The following ZNF107 variants were observed in gnomAD, a reference collection of about 807,000 sequenced individuals.
The protein encoded by ZNF107 is zinc finger protein 107, also known as C2H2 type zinc-finger protein.
A neutral mutation model predicts 12.3 loss-of-function variants in ZNF107; 19 were observed. That is an observed-to-expected ratio of 1.55 (90% CI 1.08 to 2.27). The LOEUF (loss-of-function observed/expected upper bound fraction) is 2.27, where lower values mean the gene tolerates loss of function less well. Among genes scored for constraint, ZNF107 ranks in the 30% most tolerant of loss-of-function variants. The pLI is 0.00. For missense variants in ZNF107, 958 were observed against 979.9 expected, an observed-to-expected ratio of 0.98 and a Z score of 0.30; for synonymous variants, 317 against 330.5, an observed-to-expected ratio of 0.96 and a Z score of 0.44.
At chr7:64,693,931 G>T (rs932315739) in intron 3 of ZNF107, among the ~76,000 whole-genome samples, 1 of 152,182 alleles carries the variant, frequency 6.6e-6, no homozygotes, top group Non-Finnish European at 1.5e-5. Context: ...TGGGATTACA[G>T]ATGTGTGCCA....
chr7:64,708,339 C>T lies in ZNF107; in HGVS notation c.2242C>T (p.Leu748Phe), dbSNP rs761244928. 18 of 1,613,134 alleles carry T rather than the reference C, an allele frequency of 1.1e-5. No homozygotes were observed. The South Asian group carries it at 1.8e-4, about 16-fold the overall frequency. The change falls in exon 4 of 4, where the codon CTT becomes TTT. Residue 748 changes from leucine (L) to phenylalanine (F), a missense_variant. Physicochemically the swap from Leu to Phe is conservative, Grantham distance 22. Coordinates refer to ENST00000620827, the MANE Select transcript of ZNF107 (RefSeq NM_001282359.2). ...CGKAFNLSST[L>F]TAHKKIHTGE... ...CAAAGCTTTTAACCTATCCTCAACC[C>T]TTACTGCACATAAGAAAATTCATAC...
intron 1 of ZNF107, among the ~76,000 whole-genome samples, chr7:64,678,248 G>C (rs540397125): frequency 2.0e-5 from 3 of 152,260 alleles, no homozygotes; most frequent in African/African-American, 7.2e-5. Context: ...TGAGCACAAA[G>C]ATAGTATTAA....
intron 2 of ZNF107, 73 bp from the exon 3 acceptor site, chr7:64,691,792 G>A (rs769069723): frequency 6.8e-5 from 54 of 793,658 alleles, no homozygotes; most frequent in Non-Finnish European, 8.5e-5. Context: ...CCTCTTTACT[G>A]AGCACCTTAC....
intron 1 of ZNF107, chr7:64,687,002 T>C: frequency 1.0e-6 from 1 of 985,492 alleles, no homozygotes; most frequent in Non-Finnish European, 1.2e-6. Context: ...TGAGGGTAGC[T>C]GTGCACTTTG....
At chr7:64,666,591 C>T (rs1192214765) in intron 1 of ZNF107, among the ~76,000 whole-genome samples, 1 of 152,222 alleles carries the variant, frequency 6.6e-6, no homozygotes, top group Non-Finnish European at 1.5e-5. Context: ...AGCGCGGCAT[C>T]TCTCCCCGAT....
chr7:64,694,502 CT>C (rs1200472895), intron 3 of ZNF107, among the ~76,000 whole-genome samples: 3 of 127,702 alleles, frequency 2.3e-5, no homozygotes, highest in Non-Finnish European at 3.5e-5. Context: ...TTTCTTTTTT[CT>C]TTTTTTTTGT....
chr7:64,690,182 T>G (rs1790067676), intron 1 of ZNF107: 1 of 218,380 alleles, frequency 4.6e-6, no homozygotes, highest in Non-Finnish European at 7.8e-6. Context: ...TGAATGAATG[T>G]TTATGACCAC....
Position 64,709,628 on chromosome 7 carries a change from G to T in ZNF107, c.*972G>T. ...GAAAACTCCTGGAAGTGTAAAAAAT[G>T]TGGCAACACTTTTAATAAATGCTCA... On this transcript the variant is annotated 3_prime_UTR_variant, in exon 4 of 4. Coordinates refer to ENST00000620827, the MANE Select transcript of ZNF107 (RefSeq NM_001282359.2). 4.5e-6 allele frequency: 2 copies of T among 442,904 alleles called. No individual in the cohort carries two copies. The highest frequency in any genetic ancestry group is 1.6e-5 in the South Asian group (1 of 61,248). 27.4% of individuals were successfully genotyped at this position (442,904 alleles called of 1,614,324 possible). A position where few individuals can be genotyped will look rare whatever the true frequency, so the allele number is the denominator to read the frequency against.
At chr7:64,692,280 T>C (rs1790144231) in intron 3 of ZNF107, among the ~76,000 whole-genome samples, 1 of 152,164 alleles carries the variant, frequency 6.6e-6, no homozygotes, top group Admixed American at 6.5e-5. Context: ...ATCTGCATAA[T>C]TTTGAAAACC....
At chr7:64,674,689 G>C (rs1053738382) in intron 1 of ZNF107, among the ~76,000 whole-genome samples, 1 of 152,140 alleles carries the variant, frequency 6.6e-6, no homozygotes, top group East Asian at 1.9e-4. Context: ...AGTTTTCATG[G>C]AGAAATGCTT....
intron 3 of ZNF107, among the ~76,000 whole-genome samples, chr7:64,704,190 A>G (rs1790566583): frequency 6.6e-6 from 1 of 152,174 alleles, no homozygotes; most frequent in Non-Finnish European, 1.5e-5. Flanking sequence ...TTTATGCGCC[A>G]TTATGATAAT....
In ZNF107 at chr7:64,711,183, A is replaced by G. The variant is rs753336345; in HGVS notation, c.*2527A>G. On this transcript the variant is annotated 3_prime_UTR_variant, in exon 4 of 4. Coordinates refer to ENST00000620827, the MANE Select transcript of ZNF107 (RefSeq NM_001282359.2). ...AGAGGGTAACAGTATACTACTTGAT[A>G]ACATAATGGGCTAACATCTCTAATA... 1 of 152,184 alleles carries G rather than the reference A, an allele frequency of 6.6e-6. No homozygotes were observed. Among genetic ancestry groups the G allele is most frequent in the Non-Finnish European group, 1.5e-5 (1 of 67,994 alleles). 9.4% of individuals were successfully genotyped at this position (152,184 alleles called of 1,614,324 possible).
At position 64,710,844 on chromosome 7, in the gene ZNF107, A is replaced by G. The variant is rs1321582984; in HGVS notation, c.*2188A>G. 1 of 152,174 alleles carries G rather than the reference A, an allele frequency of 6.6e-6. No homozygotes were observed. The highest frequency in any genetic ancestry group is 1.5e-5 in the Non-Finnish European group (1 of 67,998). The allele number at this position is 152,174 out of a possible 1,614,324, so 9.4% of individuals were successfully genotyped here. A position where few individuals can be genotyped will look rare whatever the true frequency, so the allele number is the denominator to read the frequency against. ...AAGATGCATGATGAAAACCTGAGTGAAGAGGCTGTTTGTGTTTAACTTATA... is the reference window on the plus strand; with the variant it reads ...AAGATGCATGATGAAAACCTGAGTGGAGAGGCTGTTTGTGTTTAACTTATA... On this transcript the variant is annotated 3_prime_UTR_variant, in exon 4 of 4. Transcript: ENST00000620827.
At position 64,691,361 on chromosome 7, in the gene ZNF107, C is replaced by G; in HGVS notation, c.117C>G (p.Asn39Lys). The change falls in exon 2 of 4, where the codon AAC (asparagine) becomes AAG (lysine). Residue 39 changes from asparagine (N) to lysine (K), a missense_variant. Transcript: ENST00000620827. ...YRNVLLENYR[N>K]LVFLGIAVSK... is the part of the protein sequence containing the mutation. ...ATGTGTTGTTAGAGAACTACAGAAA[C>G]CTGGTCTTTTTGGGTGAGGATAACT... The G allele has an allele frequency of 6.7e-7, 1 of 1,493,198 alleles. No homozygotes were observed. The highest frequency in any genetic ancestry group is 8.9e-7 in the Non-Finnish European group (1 of 1,122,954). 92.5% of individuals were successfully genotyped at this position (1,493,198 alleles called of 1,614,324 possible). A position where few individuals can be genotyped will look rare whatever the true frequency, so the allele number is the denominator to read the frequency against.
At chr7:64,700,506 C>CTTTTTTTTTTTTTTT (rs141980471) in intron 3 of ZNF107, among the ~76,000 whole-genome samples, 6 of 66,226 alleles carry the variant, frequency 9.1e-5, no homozygotes, top group African/African-American at 3.1e-4. Flanking sequence ...CCAAATAAAC[C>CTTTTTTTTTTTTTTT]TTTTTTTTTT....
At chr7:64,680,955 C>T (rs1279298376) in intron 1 of ZNF107, among the ~76,000 whole-genome samples, 1 of 152,182 alleles carries the variant, frequency 6.6e-6, no homozygotes, top group East Asian at 1.9e-4. Context: ...GGCCATGCTT[C>T]AAGTGCCATA....
intron 3 of ZNF107, among the ~76,000 whole-genome samples, chr7:64,705,403 C>T (rs532571772): frequency 6.6e-6 from 1 of 151,762 alleles, no homozygotes; most frequent in African/African-American, 2.4e-5. Flanking sequence ...TGTTCCTATT[C>T]ACTCATGGAG....
chr7:64,683,476 T>C (rs910248837), intron 1 of ZNF107, among the ~76,000 whole-genome samples: 5 of 152,226 alleles, frequency 3.3e-5, no homozygotes, highest in Non-Finnish European at 7.3e-5. Flanking sequence ...AGTATATTTC[T>C]TTCTCATCTA....
chr7:64,705,750 C>T lies in ZNF107; in HGVS notation c.227-574C>T, dbSNP rs7777588. On this transcript the variant is annotated intron_variant, in intron 3 of 3. Coordinates refer to ENST00000620827, the MANE Select transcript of ZNF107 (RefSeq NM_001282359.2). ...TTTGTTCATGTTTCTTCTTGATAGT[C>T]GGTAATCACTTGCTACAACTGTTAC... Among the ~76,000 whole-genome samples the T allele has an allele frequency of 3.2e-3, 459 of 142,822 alleles. 4 individuals carry two copies. The highest frequency in any genetic ancestry group is 0.011 in the African/African-American group (436 of 38,632). The allele number at this position is 142,822 out of a possible 152,430, so 93.7% of individuals were successfully genotyped here. A position where few individuals can be genotyped will look rare whatever the true frequency, so the allele number is the denominator to read the frequency against.
Sources: gnomAD v4.1 joint callset for allele counts (sites outside exome capture counted in the v4.1 genomes callset) on GRCh38, gnomAD v4.1.1 for gene constraint, MANE v1.5 for transcripts, NCBI Gene and HGNC (gene_info 2026-07-23, HGNC 2026-07-21) for gene names.